ALPK3: variants seen among roughly 807,000 people sequenced by gnomAD.
ALPK3 encodes the protein alpha-protein kinase 3.
Under a neutral mutation model 140.0 loss-of-function variants are expected in ALPK3, and 102 were observed. That is an observed-to-expected ratio of 0.73 (90% confidence interval 0.62 to 0.86). ALPK3 has a LOEUF of 0.86. ALPK3 is among the 40% of genes least tolerant of loss of function. The pLI is 0.00. For synonymous variants in ALPK3, 938 were observed against 898.5 expected (o/e 1.04, Z -0.79); for missense variants, 2,254 against 2,208.2 (o/e 1.02, Z -0.42).
chr15:84,827,390 C>G (rs1410400072), intron 2 of ALPK3, 94 bp from the exon 3 acceptor site: 1 of 1,542,694 alleles, frequency 6.5e-7, no homozygotes, highest in Non-Finnish European at 8.8e-7. Context: ...GGAAGATGGG[C>G]AGGCATGGTA....
intron 13 of ALPK3, among the ~76,000 whole-genome samples, chr15:84,867,806 A>G (rs560175786): frequency 1.3e-5 from 2 of 152,172 alleles, no homozygotes; most frequent in African/African-American, 4.8e-5. Flanking sequence ...TGGGCCAGGC[A>G]TGGTGGCTCA....
intron 5 of ALPK3, 149 bp downstream of exon 5, chr15:84,841,081 G>A: frequency 8.6e-7 from 1 of 1,158,814 alleles, no homozygotes; most frequent in Non-Finnish European, 1.2e-6. Flanking sequence ...GGGACCACAG[G>A]CATGCCCTTT....
chr15:84,859,337 C>T lies in ALPK3; in HGVS notation c.3912C>T (p.Asp1304=), dbSNP rs1391027269. The T allele has an allele frequency of 1.2e-6, 2 of 1,614,192 alleles. No individual in the cohort carries two copies. The highest frequency in any genetic ancestry group is 1.7e-5 in the Admixed American group (1 of 60,032). The change falls in exon 7 of 14, where the codon GAC becomes GAT. Residue 1304 remains aspartate (D), a synonymous_variant. Transcript: ENST00000258888. ...GCCAGTTTTTCAACATTCTTAGTGACTCAGTCTTGACATGGGCCAAGGATC... is the reference window on the plus strand; with the variant it reads ...GCCAGTTTTTCAACATTCTTAGTGATTCAGTCTTGACATGGGCCAAGGATC... ...LWCQFFNILS[D]SVLTWAKDQR... is the part of the protein sequence containing the mutation.
chr15:84,819,960 G>A (rs944888368), intron 1 of ALPK3, among the ~76,000 whole-genome samples: 2 of 152,104 alleles, frequency 1.3e-5, no homozygotes, highest in Admixed American at 6.5e-5. Flanking sequence ...AGTCCATGTC[G>A]GTGCAAGAAT....
chr15:84,824,824 C>A (rs553004983), intron 2 of ALPK3, among the ~76,000 whole-genome samples: 44 of 152,308 alleles, frequency 2.9e-4, no homozygotes, highest in Non-Finnish European at 1.5e-5. Context: ...AGACCATTTC[C>A]AGATGTGTGG....
intron 3 of ALPK3, 29 bp downstream of exon 3, chr15:84,827,634 C>T (rs1963504083): frequency 3.7e-6 from 6 of 1,613,040 alleles, no homozygotes; most frequent in Non-Finnish European, 5.1e-6. Flanking sequence ...TGCTCCATGC[C>T]AGGGCCTCTG....
At chr15:84,859,209 TG>T in intron 6 of ALPK3, 33 bp from the exon 7 acceptor site, 1 of 1,611,988 alleles carries the variant, frequency 6.2e-7, no homozygotes, top group Non-Finnish European at 8.5e-7. Context: ...AGAGGAGAGG[TG>T]GTGTTCCCCT....
intron 3 of ALPK3, among the ~76,000 whole-genome samples, chr15:84,834,231 G>T (rs555735484): frequency 6.6e-6 from 1 of 152,184 alleles, no homozygotes; most frequent in African/African-American, 2.4e-5. Flanking sequence ...TTTGCCAGCT[G>T]TGTGACCCTG....
At chr15:84,843,324 C>T (rs1364688047) in intron 5 of ALPK3, among the ~76,000 whole-genome samples, 3 of 152,212 alleles carry the variant, frequency 2.0e-5, no homozygotes, top group East Asian at 3.9e-4. Context: ...AAAAATTAGC[C>T]GGGTGTGGTG....
intron 12 of ALPK3, among the ~76,000 whole-genome samples, chr15:84,866,113 C>T (rs186714731): frequency 6.6e-6 from 1 of 152,264 alleles, no homozygotes; most frequent in East Asian, 1.9e-4. Context: ...CTACCTAGCA[C>T]TCAGATTTTT....
In ALPK3 at chr15:84,858,112, G is replaced by A. The variant is rs748854704; in HGVS notation, c.3374G>A (p.Gly1125Glu). 6.3e-7 allele frequency: 1 copy of A among 1,578,928 alleles called. No individual in the cohort carries two copies. The highest frequency in any genetic ancestry group is 8.6e-7 in the Non-Finnish European group (1 of 1,165,296). The change falls in exon 6 of 14, where the codon GGA becomes GAA. Residue 1125 changes from glycine (G) to glutamate (E), a missense_variant. Around this residue, in one of 3 missense-constraint regions of ALPK3, gnomAD observed 2,088 missense variants for 2,022.9 expected, o/e 1.03. Transcript: ENST00000258888. ...GAGGCGGGTGGGCAGGCAGCCCCTG[G>A]ACAGGGGCCCTCAGCAGAGAGCATA... ...LGEAGGQAAP[G>E]QGPSAESIAQ... is the part of the protein sequence containing the mutation.
At position 84,840,036 on chromosome 15, in the gene ALPK3, G is replaced by A. The variant is rs147146428; in HGVS notation, c.757G>A (p.Gly253Arg). The A allele has an allele frequency of 1.2e-6, 2 of 1,613,906 alleles. No individual in the cohort carries two copies. The highest frequency in any genetic ancestry group is 2.7e-5 in the African/African-American group (2 of 74,916). ...EGGTLAAWQE[G>R]ETETAQHSGL... Reference sequence around the variant, plus strand: ...TGGGACCCTGGCGGCTTGGCAGGAGGGAGAGACTGAGACTGCTCAGCACTC... The same window carrying A: ...TGGGACCCTGGCGGCTTGGCAGGAGAGAGAGACTGAGACTGCTCAGCACTC... The change falls in exon 5 of 14, where the codon GGA (glycine) becomes AGA (arginine). Residue 253 changes from glycine to arginine, a missense_variant. By Grantham distance (125) the Gly-to-Arg change is moderately radical. Coordinates refer to ENST00000258888, the MANE Select transcript of ALPK3 (RefSeq NM_020778.5).
chr15:84,840,752 G>C lies in ALPK3; in HGVS notation c.1473G>C (p.Glu491Asp), dbSNP rs1168370877. 4.3e-6 allele frequency: 7 copies of C among 1,614,220 alleles called. No individual in the cohort carries two copies. Among genetic ancestry groups the C allele is most frequent in the Non-Finnish European group, 5.9e-6 (7 of 1,180,034 alleles). The change falls in exon 5 of 14, where the codon GAG becomes GAC. Residue 491 changes from glutamate (E) to aspartate (D), a missense_variant. By Grantham distance (45) the Glu-to-Asp change is conservative. Transcript: ENST00000258888. The part of the protein sequence containing the change: ...KRFAPPKPKG[E>D]ATTDSKPISS... ...TTGCCCCTCCAAAGCCCAAAGGAGA[G>C]GCCACCACTGACAGCAAGCCCATTT...
Position 84,837,974 on chromosome 15 carries a change from G to A in ALPK3, c.305-1006G>A, listed in dbSNP as rs561665124. Among the ~76,000 whole-genome samples, 56 of 152,298 alleles carry A rather than the reference G, an allele frequency of 3.7e-4. 1 individual carries two copies. The South Asian group carries it at 0.01, about 28-fold the overall frequency. On this transcript the variant is annotated intron_variant, in intron 3 of 13. Coordinates refer to ENST00000258888, the MANE Select transcript of ALPK3 (RefSeq NM_020778.5). ...AGCTAGATTAGCTGATCTGGTGTCC[G>A]TTACTGGACCAATCCACTATGGCCA...
intron 1 of ALPK3, among the ~76,000 whole-genome samples, chr15:84,818,628 G>A (rs561938201): frequency 7.9e-5 from 12 of 152,284 alleles, no homozygotes; most frequent in African/African-American, 2.6e-4. Context: ...AACAGGCATC[G>A]AGGACATTCA....
rs1255301601 is a variant in ALPK3, at chr15:84,872,657, AG to A, written c.*4205del. 6.6e-6 allele frequency: 1 copy of A among 152,212 alleles called. No homozygotes were observed. Among genetic ancestry groups the A allele is most frequent in the African/African-American group, 2.4e-5 (1 of 41,464 alleles). 9.4% of individuals were successfully genotyped at this position (152,212 alleles called of 1,614,324 possible). ...TCCCTCAACCCCAGAACTTTATAGA[AG>A]GGGCAGACCTTGGCATTTTCACATG... On this transcript the variant is annotated 3_prime_UTR_variant, in exon 14 of 14. Transcript: ENST00000258888.
intron 3 of ALPK3, among the ~76,000 whole-genome samples, chr15:84,829,018 A>G (rs1004031750): frequency 2.6e-5 from 4 of 152,258 alleles, no homozygotes; most frequent in African/African-American, 4.8e-5. Context: ...AAAGAAAATT[A>G]AATTTTACTT....
Position 84,859,347 on chromosome 15 carries a change from A to G in ALPK3, c.3922A>G (p.Thr1308Ala). ...CAACATTCTTAGTGACTCAGTCTTG[A>G]CATGGGCCAAGGATCAGCGCCCAGT... ...FFNILSDSVL[T>A]WAKDQRPVGE... The change falls in exon 7 of 14, where the codon ACA becomes GCA. Residue 1308 changes from threonine to alanine, a missense_variant. By Grantham distance (58) the Thr-to-Ala change is moderately conservative. Transcript: ENST00000258888. The G allele has an allele frequency of 6.2e-7, 1 of 1,614,132 alleles. No homozygotes were observed. The highest frequency in any genetic ancestry group is 8.5e-7 in the Non-Finnish European group (1 of 1,180,012).
At chr15:84,835,165 G>C (rs542501254) in intron 3 of ALPK3, among the ~76,000 whole-genome samples, 1 of 152,364 alleles carries the variant, frequency 6.6e-6, no homozygotes, top group African/African-American at 2.4e-5. Flanking sequence ...GGGAGGCTCT[G>C]AGCTGGGTCC....
Sources: gnomAD v4.1 joint callset for allele counts (sites outside exome capture counted in the v4.1 genomes callset) on GRCh38, gnomAD v4.1.1 for gene constraint, gnomAD v4.1.1 regional missense constraint, MANE v1.5 for transcripts, NCBI Gene and HGNC (gene_info 2026-07-23, HGNC 2026-07-21) for gene names.